Variants in SGCD observed in about 807,000 individuals in gnomAD.
The protein encoded by SGCD is delta-sarcoglycan.
Under a neutral mutation model 36.6 loss-of-function variants are expected in SGCD, and 18 were observed. The observed-to-expected ratio is 0.49, with a 90% CI of 0.34 to 0.73. The LOEUF (loss-of-function observed/expected upper bound fraction) is 0.73. SGCD is among the 30% of genes least tolerant of loss of function. The pLI is 0.01. For synonymous variants in SGCD, 133 were observed against 130.6 expected, an observed-to-expected ratio of 1.02 and a Z score of -0.12; for missense variants, 387 against 346.7, an observed-to-expected ratio of 1.12 and a Z score of -0.92.
At chr5:155,896,023 G>A (rs764675191) in intron 1 of SGCD, among the ~76,000 whole-genome samples, 18 of 152,192 alleles carry the variant, frequency 1.2e-4, no homozygotes, top group South Asian at 4.1e-4. Context: ...ACAACCATGC[G>A]TATCCTGACT....
At chr5:156,460,273 C>T (rs529021273) in intron 3 of SGCD, among the ~76,000 whole-genome samples, 42 of 152,210 alleles carry the variant, frequency 2.8e-4, no homozygotes, top group African/African-American at 9.4e-4. Flanking sequence ...TTTATTTGAC[C>T]AAAACCACAT....
At chr5:156,079,356 C>T (rs890412435) in intron 1 of SGCD, among the ~76,000 whole-genome samples, 1 of 152,160 alleles carries the variant, frequency 6.6e-6, no homozygotes, top group African/African-American at 2.4e-5. Context: ...ATCATTCCAT[C>T]CCTGATTCCC....
At chr5:156,665,286 T>C (rs1262673675) in intron 7 of SGCD, among the ~76,000 whole-genome samples, 7 of 152,032 alleles carry the variant, frequency 4.6e-5, no homozygotes, top group Admixed American at 3.9e-4. Context: ...CTTTTCCTTC[T>C]AATTTTAACG....
At chr5:156,185,429 T>C (rs1298955718) in intron 3 of SGCD, among the ~76,000 whole-genome samples, 9 of 151,996 alleles carry the variant, frequency 5.9e-5, no homozygotes, top group Non-Finnish European at 1.5e-5. Context: ...TTAGCCAGGA[T>C]GGTCTCGATC....
At chr5:156,138,275 C>T (rs1053465659) in intron 3 of SGCD, among the ~76,000 whole-genome samples, 1 of 152,144 alleles carries the variant, frequency 6.6e-6, no homozygotes, top group Non-Finnish European at 1.5e-5. Context: ...ATGGTGCATG[C>T]CTGTAATCCC....
chr5:156,333,692 G>A (rs1768176555), intron 2 of SGCD, among the ~76,000 whole-genome samples: 1 of 148,908 alleles, frequency 6.7e-6, no homozygotes, highest in African/African-American at 2.5e-5. Context: ...ATGTCTGTGA[G>A]GATTAAATAC....
intron 1 of SGCD, among the ~76,000 whole-genome samples, chr5:155,966,220 A>G (rs544543880): frequency 6.6e-6 from 1 of 152,262 alleles, no homozygotes; most frequent in African/African-American, 2.4e-5. Flanking sequence ...GTGAGACCAC[A>G]TCACCTTGAC....
At chr5:155,782,589 T>C in the SGCD span, among the ~76,000 whole-genome samples, 1 of 152,118 alleles carries the variant, frequency 6.6e-6, no homozygotes, top group African/African-American at 2.4e-5. Context: ...AGGAGTTTTT[T>C]CCCTAAATGT....
At chr5:156,646,392 T>C (rs1184497890) in intron 6 of SGCD, among the ~76,000 whole-genome samples, 1 of 152,196 alleles carries the variant, frequency 6.6e-6, no homozygotes, top group Non-Finnish European at 1.5e-5. Flanking sequence ...CAGTACCATT[T>C]GGAAATGAGT....
chr5:155,996,778 C>CAA (rs777241846), intron 1 of SGCD, among the ~76,000 whole-genome samples: 28 of 61,482 alleles, frequency 4.6e-4, no homozygotes, highest in African/African-American at 1.5e-3. Context: ...GACTCTGTTT[C>CAA]AAAAAAAAAA....
chr5:156,229,708 A>G (rs1383368209), intron 3 of SGCD, among the ~76,000 whole-genome samples: 1 of 152,072 alleles, frequency 6.6e-6, no homozygotes, highest in African/African-American at 2.4e-5. Context: ...TTGGATGTCT[A>G]GGGCTCTAGT....
chr5:155,941,880 C>T (rs1757333430), intron 1 of SGCD, among the ~76,000 whole-genome samples: 1 of 152,102 alleles, frequency 6.6e-6, no homozygotes, highest in Non-Finnish European at 1.5e-5. Flanking sequence ...GTAGCATACT[C>T]AGAAAATGAA....
At chr5:156,727,669 G>GT (rs1239495949) in intron 7 of SGCD, among the ~76,000 whole-genome samples, 7 of 133,286 alleles carry the variant, frequency 5.3e-5, no homozygotes, top group Non-Finnish European at 1.0e-4. Flanking sequence ...TTAGATCTGG[G>GT]TTTTTTTCTG....
chr5:155,862,495 TTTTTA>T, the SGCD span, among the ~76,000 whole-genome samples: 5 of 151,992 alleles, frequency 3.3e-5, no homozygotes, highest in African/African-American at 9.7e-5. Context: ...CCTGGCTAGT[TTTTTA>T]TTTTATTTTA....
At chr5:155,913,851 T>C (rs1756684107) in intron 1 of SGCD, among the ~76,000 whole-genome samples, 1 of 152,224 alleles carries the variant, frequency 6.6e-6, no homozygotes, top group Non-Finnish European at 1.5e-5. Context: ...CTTGCAAAAT[T>C]CAGAAGCAGA....
At chr5:155,782,175 C>T in the SGCD span, among the ~76,000 whole-genome samples, 1 of 151,982 alleles carries the variant, frequency 6.6e-6, no homozygotes, top group African/African-American at 2.4e-5. Flanking sequence ...GAGGCACCCA[C>T]CACCATGCCT....
chr5:155,988,998 G>T (rs1298784597), intron 1 of SGCD, among the ~76,000 whole-genome samples: 1 of 152,160 alleles, frequency 6.6e-6, no homozygotes, highest in Admixed American at 6.5e-5. Flanking sequence ...AAAGATGTAA[G>T]AATATCAAGT....
chr5:155,929,330 A>G (rs1177020289), intron 1 of SGCD, among the ~76,000 whole-genome samples: 1 of 152,222 alleles, frequency 6.6e-6, no homozygotes, highest in Non-Finnish European at 1.5e-5. Flanking sequence ...GGAATTCCTT[A>G]TCTCAGTAAA....
At position 156,408,653 on chromosome 5, in the gene SGCD, C is replaced by T. The variant is rs536284366; in HGVS notation, c.192+63976C>T. Among the ~76,000 whole-genome samples, 12 of 152,300 alleles carry T rather than the reference C, an allele frequency of 7.9e-5. No individual in the cohort carries two copies. The South Asian group carries it at 1.9e-3, about 24-fold the overall frequency. On this transcript the variant is annotated intron_variant, in intron 3 of 8. Transcript: ENST00000337851. ...GGATTACAGGCGTGAACCACCGCCC[C>T]CAGCCCCCATGTTGAATTTCATGTG... is the stretch of plus-strand genomic sequence containing the variant.
Sources: gnomAD v4.1 joint callset for allele counts (sites outside exome capture counted in the v4.1 genomes callset) on GRCh38, gnomAD v4.1.1 for gene constraint, MANE v1.5 for transcripts, NCBI Gene and HGNC (gene_info 2026-07-23, HGNC 2026-07-21) for gene names.